Variants in ERICH1 observed in about 807,000 individuals in gnomAD.
ERICH1 encodes glutamate-rich protein 1.
Under a neutral mutation model 39.6 loss-of-function variants are expected in ERICH1, and 56 were observed. That is an observed-to-expected ratio of 1.41 (90% CI 1.14 to 1.77). ERICH1 has a LOEUF of 1.77. ERICH1 is among the 40% of genes most tolerant of loss of function. The pLI is 0.00. For missense variants in ERICH1, 826 were observed against 575.4 expected, an observed-to-expected ratio of 1.44 and a Z score of -4.45; for synonymous variants, 313 against 223.6, an observed-to-expected ratio of 1.40 and a Z score of -3.57.
chr8:730,564 G>C (rs572858491), intron 1 of ERICH1, among the ~76,000 whole-genome samples: 3 of 152,182 alleles, frequency 2.0e-5, no homozygotes, highest in African/African-American at 4.8e-5. Context: ...CCGTTCTAAG[G>C]CACGGCCAGG....
chr8:657,068 A>G (rs1256282317), intron 3 of ERICH1, among the ~76,000 whole-genome samples: 1 of 152,250 alleles, frequency 6.6e-6, no homozygotes. Context: ...TTTTTTATAC[A>G]ACAGCAAAAC....
chr8:635,736 C>A (rs145045085), intron 3 of ERICH1, among the ~76,000 whole-genome samples: 1 of 152,328 alleles, frequency 6.6e-6, no homozygotes, highest in East Asian at 1.9e-4. Context: ...ACACTTGTCA[C>A]CATCGAGTGG....
At chr8:692,414 G>GA in intron 3 of ERICH1, 64 bp downstream of exon 3, 2 of 1,610,006 alleles carry the variant, frequency 1.2e-6, no homozygotes. Context: ...TACAATACCA[G>GA]AAAATTGGGA....
chr8:708,681 G>GTTTTTTGTTTTTTTTTTTTTTTTTT lies in ERICH1; in HGVS notation c.169+7179_169+7180insAAAAAAAAAAAAAAAAAACAAAAAA. On this transcript the variant is annotated intron_variant, in intron 2 of 5. Transcript: ENST00000262109. ...GGGCTGAGTGGTTACGGGATAATGA[G>GTTTTTTGTTTTTTTTTTTTTTTTTT]TTTTTTTTTTTTTTTTTTTTTTTTT... is the stretch of plus-strand genomic sequence containing the variant. Among the ~76,000 whole-genome samples, 52 of 65,778 alleles carry GTTTTTTGTTTTTTTTTTTTTTTTTT rather than the reference G, an allele frequency of 7.9e-4. 4 individuals carry two copies. Among genetic ancestry groups the GTTTTTTGTTTTTTTTTTTTTTTTTT allele is most frequent in the South Asian group, 1.2e-3 (2 of 1,616 alleles). The allele number at this position is 65,778 out of a possible 152,430, so 43.2% of individuals were successfully genotyped here.
intron 3 of ERICH1, among the ~76,000 whole-genome samples, chr8:634,665 G>A (rs560049974): frequency 1.5e-3 from 231 of 152,206 alleles, no homozygotes; most frequent in African/African-American, 4.8e-3. Flanking sequence ...CAGCCCCCAC[G>A]ATGGGTGGGG....
At chr8:702,674 CA>C (rs1170459248) in intron 2 of ERICH1, among the ~76,000 whole-genome samples, 1 of 152,264 alleles carries the variant, frequency 6.6e-6, no homozygotes, top group African/African-American at 2.4e-5. Flanking sequence ...GGTTCCGTGA[CA>C]GGCGAAGGTC....
chr8:619,310 G>A (rs1797132569), intron 3 of ERICH1, among the ~76,000 whole-genome samples: 1 of 152,182 alleles, frequency 6.6e-6, no homozygotes, highest in South Asian at 2.1e-4. Context: ...GGGGGGCCCG[G>A]TGAGACCTAT....
chr8:615,672 G>T (rs2116986327), intron 3 of ERICH1: 1 of 168,824 alleles, frequency 5.9e-6, no homozygotes, highest in Non-Finnish European at 1.3e-5. Context: ...TCCTGGAAAG[G>T]TAGTCAGTCT....
intron 3 of ERICH1, among the ~76,000 whole-genome samples, chr8:683,808 GC>G (rs1162263846): frequency 1.3e-5 from 2 of 152,242 alleles, no homozygotes; most frequent in African/African-American, 4.8e-5. Flanking sequence ...GATGTGATCT[GC>G]CGCTAAGCTA....
At chr8:615,274 G>C (rs572893149) in exon 4 of ERICH1, 10 of 694,638 alleles carry the variant, frequency 1.4e-5, no homozygotes, top group Admixed American at 6.3e-5. Flanking sequence ...CTTTAAGTCT[G>C]CTTAGGACTC....
At chr8:650,719 A>AC (rs1799840517) in intron 3 of ERICH1, among the ~76,000 whole-genome samples, 1 of 152,142 alleles carries the variant, frequency 6.6e-6, no homozygotes, top group Non-Finnish European at 1.5e-5. Flanking sequence ...GGGTGCAGCC[A>AC]CCCCGCAGCA....
At chr8:655,056 G>A (rs1035358370) in intron 3 of ERICH1, among the ~76,000 whole-genome samples, 6 of 152,196 alleles carry the variant, frequency 3.9e-5, no homozygotes, top group South Asian at 2.1e-4. Context: ...ACAGAAAGCC[G>A]TGGAGAACAA....
At chr8:642,776 T>C (rs551748915) in intron 3 of ERICH1, among the ~76,000 whole-genome samples, 74 of 151,812 alleles carry the variant, frequency 4.9e-4, no homozygotes, top group Admixed American at 1.8e-3. Flanking sequence ...GCTCAGAGGG[T>C]CAGTGTGAGT....
intron 3 of ERICH1, among the ~76,000 whole-genome samples, chr8:684,264 A>T (rs911691652): frequency 6.6e-6 from 1 of 152,230 alleles, no homozygotes; most frequent in African/African-American, 2.4e-5. Context: ...GATGCAGGAC[A>T]ATTTTTTTAA....
intron 1 of ERICH1, among the ~76,000 whole-genome samples, chr8:726,755 C>T (rs1051031472): frequency 1.3e-5 from 2 of 151,340 alleles, no homozygotes; most frequent in Admixed American, 1.3e-4. Context: ...TACACGCACA[C>T]CACACACAGA....
At chr8:698,351 T>A (rs992404125) in intron 2 of ERICH1, among the ~76,000 whole-genome samples, 1 of 152,040 alleles carries the variant, frequency 6.6e-6, no homozygotes, top group Non-Finnish European at 1.5e-5. Context: ...CCCGAGTACC[T>A]GGGACTACAG....
chr8:668,440 G>A (rs1217854914), intron 5 of ERICH1, 158 bp downstream of exon 5: 1 of 673,134 alleles, frequency 1.5e-6, no homozygotes, highest in Non-Finnish European at 2.6e-6. Context: ...CAGAGATGCA[G>A]GAAGCCTGTT....
intron 3 of ERICH1, among the ~76,000 whole-genome samples, chr8:650,545 C>T (rs1255532207): frequency 1.3e-5 from 2 of 152,188 alleles, no homozygotes; most frequent in Admixed American, 6.5e-5. Context: ...GCTGCAGGTA[C>T]CCCCGAGGCC....
chr8:653,304 C>T (rs747772775), intron 3 of ERICH1, among the ~76,000 whole-genome samples: 7 of 152,342 alleles, frequency 4.6e-5, no homozygotes, highest in Admixed American at 1.3e-4. Flanking sequence ...TCCTTGTGGA[C>T]GAACTATAAC....
Sources: gnomAD v4.1 joint callset for allele counts (sites outside exome capture counted in the v4.1 genomes callset) on GRCh38, gnomAD v4.1.1 for gene constraint, MANE v1.5 for transcripts, NCBI Gene and HGNC (gene_info 2026-07-23, HGNC 2026-07-21) for gene names.